The following CCDC92B variants were observed in gnomAD, a reference collection of about 807,000 sequenced individuals.
CCDC92B encodes coiled-coil domain containing 92B, also known as coiled-coil domain-containing 92B.
A neutral mutation model predicts 5.6 loss-of-function variants in CCDC92B; 2 were observed. That is an observed-to-expected ratio of 0.36 (90% CI 0.15 to 1.12). The LOEUF (loss-of-function observed/expected upper bound fraction) is 1.12. Among genes scored for constraint, CCDC92B ranks in the 50% most tolerant of loss-of-function variants. The pLI, the probability that CCDC92B is intolerant of heterozygous loss-of-function variation, is 0.40. For synonymous variants in CCDC92B, 115 were observed against 122.3 expected (o/e 0.94, Z 0.39); for missense variants, 271 against 262.2 (o/e 1.03, Z -0.23).
intron 3 of CCDC92B, among the ~76,000 whole-genome samples, chr17:2,728,979 T>A (rs1216020406): frequency 6.6e-6 from 1 of 152,220 alleles, no homozygotes; most frequent in Non-Finnish European, 1.5e-5. Flanking sequence ...GAGAGTCTGT[T>A]CTTAAGAACT....
intron 3 of CCDC92B, among the ~76,000 whole-genome samples, chr17:2,728,614 A>C (rs895339719): frequency 1.3e-5 from 2 of 151,370 alleles, no homozygotes; most frequent in East Asian, 1.9e-4. Context: ...AAAAAAAAAA[A>C]CAAAAAAAAC....
chr17:2,733,390 G>T (rs1056389815), intron 2 of CCDC92B, among the ~76,000 whole-genome samples: 93 of 151,698 alleles, frequency 6.1e-4, no homozygotes, highest in African/African-American at 2.1e-3. Context: ...CTCCCTAATA[G>T]CTGGGATTAC....
intron 1 of CCDC92B, among the ~76,000 whole-genome samples, chr17:2,745,406 C>T (rs950283157): frequency 7.9e-5 from 12 of 152,134 alleles, no homozygotes; most frequent in Non-Finnish European, 7.3e-5. Flanking sequence ...GAGACTGGAC[C>T]CTGGCCACCG....
At chr17:2,739,140 G>C (rs1468321265) in intron 1 of CCDC92B, among the ~76,000 whole-genome samples, 1 of 151,464 alleles carries the variant, frequency 6.6e-6, no homozygotes, top group Non-Finnish European at 1.5e-5. Flanking sequence ...GGCCAAGGTG[G>C]GCGGATCACG....
At chr17:2,748,684 C>T (rs779752638) in intron 1 of CCDC92B, among the ~76,000 whole-genome samples, 4 of 152,208 alleles carry the variant, frequency 2.6e-5, no homozygotes, top group Non-Finnish European at 5.9e-5. Context: ...TACTGGGAAT[C>T]ACCAGGGCAA....
chr17:2,732,439 G>A lies in CCDC92B; in HGVS notation c.131-1946C>T, dbSNP rs58177302. Among the ~76,000 whole-genome samples the A allele has an allele frequency of 7.1e-3, 1,084 of 152,288 alleles. 14 individuals are homozygous for A. The highest frequency in any genetic ancestry group is 0.024 in the African/African-American group (1,006 of 41,560). ...TCTCCTTAATAACCTAGAGGTGGCT[G>A]GGCGTGGTAGCTCATGCCTGTAAAG... On this transcript the variant is annotated intron_variant, in intron 2 of 3. Coordinates refer to ENST00000614400, the MANE Select transcript of CCDC92B (RefSeq NM_001355573.2).
At chr17:2,739,128 G>A (rs2070892210) in intron 1 of CCDC92B, among the ~76,000 whole-genome samples, 1 of 151,634 alleles carries the variant, frequency 6.6e-6, no homozygotes, top group Non-Finnish European at 1.5e-5. Flanking sequence ...AGCACTTTGG[G>A]AGGCCAAGGT....
At chr17:2,745,999 G>A (rs910910420) in intron 1 of CCDC92B, among the ~76,000 whole-genome samples, 3 of 150,828 alleles carry the variant, frequency 2.0e-5, no homozygotes, top group Non-Finnish European at 2.9e-5. Flanking sequence ...TTTTCCCCCC[G>A]AGATGGAGTT....
At chr17:2,735,284 T>A in intron 1 of CCDC92B, 116 bp from the exon 2 acceptor site, 1 of 605,906 alleles carries the variant, frequency 1.7e-6, no homozygotes, top group Non-Finnish European at 2.1e-6. Context: ...AAGATGATTC[T>A]GCCACTGCTG....
chr17:2,727,622 G>A (rs1056299289), intron 3 of CCDC92B, among the ~76,000 whole-genome samples: 18 of 152,006 alleles, frequency 1.2e-4, no homozygotes, highest in African/African-American at 3.6e-4. Context: ...TCAGGAGTTC[G>A]AGACCAGCCT....
chr17:2,722,347 C>T lies in CCDC92B; in HGVS notation c.*2064G>A, dbSNP rs963394916. 1 of 152,504 alleles carries T rather than the reference C, an allele frequency of 6.6e-6. No homozygotes were observed. The highest frequency in any genetic ancestry group is 1.5e-5 in the Non-Finnish European group (1 of 68,258). 9.4% of individuals were successfully genotyped at this position (152,504 alleles called of 1,614,324 possible). On this transcript the variant is annotated 3_prime_UTR_variant, in exon 4 of 4. Transcript: ENST00000614400. Reference sequence around the variant, plus strand: ...GACTAGTAGAGAGTAGAGGTGGGGGCAGGCAGAGCAAGGACCCCAGGCCAC... The same window carrying T: ...GACTAGTAGAGAGTAGAGGTGGGGGTAGGCAGAGCAAGGACCCCAGGCCAC...
Position 2,735,056 on chromosome 17 carries a change from G to GTC in CCDC92B, c.88_89dup (p.Asp30GlufsTer8). 1 of 985,554 alleles carries GTC rather than the reference G, an allele frequency of 1.0e-6. No individual in the cohort carries two copies. The highest frequency in any genetic ancestry group is 1.2e-6 in the Non-Finnish European group (1 of 830,026). 61.1% of individuals were successfully genotyped at this position (985,554 alleles called of 1,614,324 possible). A position where few individuals can be genotyped will look rare whatever the true frequency, so the allele number is the denominator to read the frequency against. ...GCAGCCTCAGGATCTCCAGGTGCAG[G>GTC]TCTCGCAGCAGGGCCATCTGCTCCT... On this transcript the variant is annotated frameshift_variant, in exon 2 of 4. Coordinates refer to ENST00000614400, the MANE Select transcript of CCDC92B (RefSeq NM_001355573.2). LOFTEE classifies it high-confidence loss of function.
At chr17:2,731,244 C>A (rs1567613201) in intron 2 of CCDC92B, among the ~76,000 whole-genome samples, 2 of 152,116 alleles carry the variant, frequency 1.3e-5, no homozygotes, top group South Asian at 4.1e-4. Context: ...CAGCTGCCAC[C>A]CCTCTGCCTG....
intron 2 of CCDC92B, among the ~76,000 whole-genome samples, chr17:2,733,548 C>T (rs929255774): frequency 5.9e-5 from 9 of 151,990 alleles, no homozygotes; most frequent in South Asian, 2.1e-4. Context: ...CGTGAGCCAC[C>T]GTGCCCAGCT....
In CCDC92B at chr17:2,723,805, A is replaced by C. The variant is rs2070687103; in HGVS notation, c.*606T>G. The C allele has an allele frequency of 3.5e-6, 1 of 288,418 alleles. No individual in the cohort carries two copies. The highest frequency in any genetic ancestry group is 1.3e-4 in the South Asian group (1 of 7,636). 17.9% of individuals were successfully genotyped at this position (288,418 alleles called of 1,614,324 possible). A position where few individuals can be genotyped will look rare whatever the true frequency, so the allele number is the denominator to read the frequency against. ...TGGAAGTTAGGCTTCCATCAGGCGCACTTTTCCCACCAGGGGCTCTGGGAG... is the reference window on the plus strand; with the variant it reads ...TGGAAGTTAGGCTTCCATCAGGCGCCCTTTTCCCACCAGGGGCTCTGGGAG... On this transcript the variant is annotated 3_prime_UTR_variant, in exon 4 of 4. Transcript: ENST00000614400.
chr17:2,728,062 G>A (rs531481064), intron 3 of CCDC92B, among the ~76,000 whole-genome samples: 67 of 151,710 alleles, frequency 4.4e-4, no homozygotes, highest in African/African-American at 1.4e-3. Context: ...CACAGTGGTC[G>A]TGCCTGTAAT....
At position 2,724,071 on chromosome 17, in the gene CCDC92B, T is replaced by C. The variant is rs1028075140; in HGVS notation, c.*340A>G. 2.0e-6 allele frequency: 2 copies of C among 985,050 alleles called. No homozygotes were observed. The highest frequency in any genetic ancestry group is 2.4e-6 in the Non-Finnish European group (2 of 829,854). 61.0% of individuals were successfully genotyped at this position (985,050 alleles called of 1,614,324 possible). A position where few individuals can be genotyped will look rare whatever the true frequency, so the allele number is the denominator to read the frequency against. On this transcript the variant is annotated 3_prime_UTR_variant, in exon 4 of 4. Coordinates refer to ENST00000614400, the MANE Select transcript of CCDC92B (RefSeq NM_001355573.2). The surrounding 1 kb of genome is among the most constrained non-coding windows in gnomAD (Gnocchi z 5.0). ...CAGCCCTCCCCACCCCACCAAGGAT[T>C]GTCGGCTTTCCCGGGGAAGGGCGTG... is the stretch of plus-strand genomic sequence containing the variant.
intron 3 of CCDC92B, among the ~76,000 whole-genome samples, chr17:2,727,499 G>C (rs2070742509): frequency 6.6e-6 from 1 of 152,206 alleles, no homozygotes. Context: ...GGCAAAGAGT[G>C]ACCCTGGAAG....
rs1186368451 is a variant in CCDC92B, at chr17:2,735,001, C to T, written c.130+15G>A. On this transcript the variant is annotated intron_variant, in intron 2 of 3. Transcript: ENST00000614400. ...GACCTCTCCCCACCCGTCCAGCCGC[C>T]TCTCCTGGCCTCACCTGAGCAGCGT... is the stretch of plus-strand genomic sequence containing the variant. 2 of 985,416 alleles carry T rather than the reference C, an allele frequency of 2.0e-6. No homozygotes were observed. Among genetic ancestry groups the T allele is most frequent in the African/African-American group, 1.7e-5 (1 of 57,266 alleles). The allele number at this position is 985,416 out of a possible 1,614,324, so 61.0% of individuals were successfully genotyped here. A position where few individuals can be genotyped will look rare whatever the true frequency, so the allele number is the denominator to read the frequency against.
Sources: allele counts gnomAD v4.1 joint callset (sites outside exome capture counted in the v4.1 genomes callset), GRCh38; gene constraint gnomAD v4.1.1; non-coding constraint Gnocchi (gnomAD v3.1); transcripts MANE v1.5; gene names NCBI Gene and HGNC (gene_info 2026-07-23, HGNC 2026-07-21).